The following GRM1 variants were observed in gnomAD, a reference collection of about 807,000 sequenced individuals.
GRM1 encodes the protein metabotropic glutamate receptor 1.
Under a neutral mutation model 90.9 loss-of-function variants are expected in GRM1, and 33 were observed. That is an observed-to-expected ratio of 0.36 (90% CI 0.28 to 0.49). GRM1 has a LOEUF of 0.49. GRM1 is among the 20% of genes least tolerant of loss of function. The pLI, the probability that GRM1 is intolerant of heterozygous loss-of-function variation, is 0.99. For synonymous variants in GRM1, 700 were observed against 613.2 expected (o/e 1.14, Z -2.09); for missense variants, 1,190 against 1,534.3 (o/e 0.78, Z 3.75).
intron 5 of GRM1, among the ~76,000 whole-genome samples, chr6:146,373,866 C>G (rs1304885738): frequency 6.6e-6 from 1 of 152,078 alleles, no homozygotes. Flanking sequence ...CTTTCTCTTG[C>G]CAGACTGCTG....
intron 6 of GRM1, among the ~76,000 whole-genome samples, chr6:146,396,755 A>G (rs545094120): frequency 1.3e-5 from 2 of 152,360 alleles, no homozygotes; most frequent in African/African-American, 4.8e-5. Flanking sequence ...ATATTTATCA[A>G]ATTGTGTATC....
chr6:146,086,989 T>C (rs1035193585), intron 1 of GRM1, among the ~76,000 whole-genome samples: 1 of 152,110 alleles, frequency 6.6e-6, no homozygotes, highest in Admixed American at 6.6e-5. Flanking sequence ...AAAATTCCCA[T>C]GTCAAAGAGA....
intron 1 of GRM1, among the ~76,000 whole-genome samples, chr6:146,128,350 G>A (rs1026668613): frequency 3.3e-5 from 5 of 152,108 alleles, no homozygotes; most frequent in Non-Finnish European, 4.4e-5. Flanking sequence ...CATTTAATAT[G>A]TATCAAGCGC....
At chr6:146,031,624 T>G (rs945612504) in intron 1 of GRM1, among the ~76,000 whole-genome samples, 34 of 152,226 alleles carry the variant, frequency 2.2e-4, no homozygotes, top group African/African-American at 8.2e-4. Flanking sequence ...GACTTATGCT[T>G]CTGAAGCTTG....
At chr6:146,283,007 A>G (rs1410575069) in intron 2 of GRM1, among the ~76,000 whole-genome samples, 4 of 152,194 alleles carry the variant, frequency 2.6e-5, no homozygotes, top group African/African-American at 9.7e-5. Flanking sequence ...GAGGTACAGT[A>G]TTTTGTACAG....
chr6:146,384,135 A>G (rs1776413373), intron 5 of GRM1, among the ~76,000 whole-genome samples: 1 of 152,128 alleles, frequency 6.6e-6, no homozygotes, highest in African/African-American at 2.4e-5. Flanking sequence ...GGACCAAAAC[A>G]GCTAGAATTT....
chr6:146,338,376 T>G (rs1172460765), intron 3 of GRM1, among the ~76,000 whole-genome samples: 1 of 152,216 alleles, frequency 6.6e-6, no homozygotes, highest in Non-Finnish European at 1.5e-5. Context: ...CTCTATGTGG[T>G]CTATCTTATC....
At chr6:146,225,860 A>G (rs557761864) in intron 2 of GRM1, among the ~76,000 whole-genome samples, 8 of 152,138 alleles carry the variant, frequency 5.3e-5, no homozygotes, top group Non-Finnish European at 1.0e-4. Context: ...ACCATGCAAT[A>G]TATTAGTATA....
chr6:146,217,555 G>A (rs1004696628), intron 2 of GRM1, among the ~76,000 whole-genome samples: 1 of 152,094 alleles, frequency 6.6e-6, no homozygotes, highest in Admixed American at 6.6e-5. Flanking sequence ...TAGAATAAGA[G>A]GAAGATTATG....
chr6:146,434,476 C>A lies in GRM1; in HGVS notation c.3265C>A (p.Leu1089Met), dbSNP rs1169706440. Reference sequence around the variant, plus strand: ...GCAGCTGAGCACCTTTGGGGAGGAGCTGGTCTCCCCGCCCGCGGACGACGA... The same window carrying A: ...GCAGCTGAGCACCTTTGGGGAGGAGATGGTCTCCCCGCCCGCGGACGACGA... Reference protein sequence around the residue: ...PLQLSTFGEELVSPPADDDDD... With the variant: ...PLQLSTFGEEMVSPPADDDDD... The change falls in exon 8 of 8, where the codon CTG becomes ATG. Residue 1089 changes from leucine (L) to methionine (M), a missense_variant. Around this residue, in one of 10 missense-constraint regions of GRM1, gnomAD observed 400 missense variants for 360.8 expected, o/e 1.11. Coordinates refer to ENST00000282753, the MANE Select transcript of GRM1 (RefSeq NM_001278064.2). 1.2e-6 allele frequency: 2 copies of A among 1,613,924 alleles called. No individual in the cohort carries two copies. The highest frequency in any genetic ancestry group is 1.7e-6 in the Non-Finnish European group (2 of 1,179,914).
intron 2 of GRM1, among the ~76,000 whole-genome samples, chr6:146,191,904 TA>T (rs955521132): frequency 5.8e-4 from 88 of 152,320 alleles, no homozygotes; most frequent in African/African-American, 2.0e-3. Context: ...TCTCTGTGTT[TA>T]AAAGGGAACA....
At chr6:146,038,570 G>A (rs907790682) in intron 1 of GRM1, among the ~76,000 whole-genome samples, 1 of 151,966 alleles carries the variant, frequency 6.6e-6, no homozygotes, top group Admixed American at 6.6e-5. Flanking sequence ...ATACAGGGAA[G>A]TTCTGTGGTG....
intron 1 of GRM1, among the ~76,000 whole-genome samples, chr6:146,153,009 T>C (rs1316283124): frequency 1.3e-5 from 2 of 152,162 alleles, no homozygotes; most frequent in Admixed American, 6.5e-5. Flanking sequence ...CAGAATGGGA[T>C]TGGGGAAAGG....
chr6:146,125,456 T>G (rs772386201), intron 1 of GRM1, among the ~76,000 whole-genome samples: 2 of 151,698 alleles, frequency 1.3e-5, no homozygotes, highest in Non-Finnish European at 2.9e-5. Context: ...CTTTTCTTTC[T>G]TTCTCTGCCC....
intron 2 of GRM1, among the ~76,000 whole-genome samples, chr6:146,169,743 G>T (rs558212150): frequency 6.6e-6 from 1 of 152,220 alleles, no homozygotes; most frequent in African/African-American, 2.4e-5. Flanking sequence ...TACTTTTCTG[G>T]AGAATTATAG....
intron 5 of GRM1, among the ~76,000 whole-genome samples, chr6:146,367,522 G>T (rs1775738169): frequency 6.6e-6 from 1 of 151,994 alleles, no homozygotes; most frequent in Non-Finnish European, 1.5e-5. Flanking sequence ...ATGATCCAGT[G>T]GCCCAGTTGG....
chr6:146,136,131 AC>A (rs1318612832), intron 1 of GRM1, among the ~76,000 whole-genome samples: 1 of 152,206 alleles, frequency 6.6e-6, no homozygotes, highest in Non-Finnish European at 1.5e-5. Flanking sequence ...TTATGGCTGA[AC>A]AGTACTTCAT....
At chr6:146,035,476 A>T (rs1201634913) in intron 1 of GRM1, among the ~76,000 whole-genome samples, 1 of 151,982 alleles carries the variant, frequency 6.6e-6, no homozygotes, top group Non-Finnish European at 1.5e-5. Flanking sequence ...GTTTATCCAT[A>T]ACCTTGATTC....
chr6:146,078,205 G>C (rs1431229102), intron 1 of GRM1, among the ~76,000 whole-genome samples: 1 of 152,156 alleles, frequency 6.6e-6, no homozygotes, highest in African/African-American at 2.4e-5. Context: ...ACATCACATT[G>C]ACAGCATCTT....
Sources: gnomAD v4.1 joint callset for allele counts (sites outside exome capture counted in the v4.1 genomes callset) on GRCh38, gnomAD v4.1.1 for gene constraint, gnomAD v4.1.1 regional missense constraint, MANE v1.5 for transcripts, NCBI Gene and HGNC (gene_info 2026-07-23, HGNC 2026-07-21) for gene names.